The following GRM7 variants were observed in gnomAD, a reference collection of about 807,000 sequenced individuals.
GRM7 encodes the protein metabotropic glutamate receptor 7.
GRM7 carries 35 observed loss-of-function variants against 84.5 expected under a neutral mutation model. The ratio of observed to expected loss-of-function variants is 0.41; its 90% CI spans 0.32 to 0.55. GRM7 has a LOEUF of 0.55. Among genes scored for constraint, GRM7 ranks in the 20% least tolerant of loss-of-function variants. The pLI, the probability that GRM7 is intolerant of heterozygous loss-of-function variation, is 0.19. For missense variants in GRM7, 1,003 were observed against 1,194.6 expected, an observed-to-expected ratio of 0.84 and a Z score of 2.36; for synonymous variants, 487 against 455.1, an observed-to-expected ratio of 1.07 and a Z score of -0.89.
At chr3:6,899,405 T>C (rs1215869180) in intron 1 of GRM7, among the ~76,000 whole-genome samples, 1 of 152,172 alleles carries the variant, frequency 6.6e-6, no homozygotes, top group Non-Finnish European at 1.5e-5. Flanking sequence ...TTTGATAAAA[T>C]ATTAACTTAA....
At chr3:7,719,779 AACACACACACACAC>A (rs71043692) in intron 9 of GRM7, among the ~76,000 whole-genome samples, 31 of 133,534 alleles carry the variant, frequency 2.3e-4, no homozygotes, top group South Asian at 5.3e-4. Context: ...ACCACTGGGC[AACACACACACACAC>A]ACACACACAC....
At chr3:7,117,854 C>A (rs1693089708) in intron 1 of GRM7, among the ~76,000 whole-genome samples, 1 of 152,130 alleles carries the variant, frequency 6.6e-6, no homozygotes, top group Non-Finnish European at 1.5e-5. Flanking sequence ...ATAGAAGTTC[C>A]TCAGCAATGA....
At chr3:7,487,299 G>T (rs1699357134) in intron 7 of GRM7, among the ~76,000 whole-genome samples, 1 of 152,184 alleles carries the variant, frequency 6.6e-6, no homozygotes, top group South Asian at 2.1e-4. Flanking sequence ...AAAATTTGCA[G>T]ACTTAACCAT....
At chr3:7,140,377 A>C (rs1030302538) in intron 1 of GRM7, among the ~76,000 whole-genome samples, 1 of 151,904 alleles carries the variant, frequency 6.6e-6, no homozygotes, top group Non-Finnish European at 1.5e-5. Flanking sequence ...GAAGGGAAAA[A>C]AATGAATTGT....
At chr3:7,715,618 T>C (rs1053055257) in intron 9 of GRM7, among the ~76,000 whole-genome samples, 1 of 152,192 alleles carries the variant, frequency 6.6e-6, no homozygotes, top group South Asian at 2.1e-4. Flanking sequence ...GTAGGTTCCA[T>C]TGTTGTTCTT....
chr3:7,007,804 G>A (rs556983925), intron 1 of GRM7, among the ~76,000 whole-genome samples: 2 of 152,286 alleles, frequency 1.3e-5, no homozygotes, highest in Non-Finnish European at 2.9e-5. Context: ...GTCAGCAGTA[G>A]CTTCCAGTTT....
At chr3:7,024,571 G>C (rs1695907367) in intron 1 of GRM7, among the ~76,000 whole-genome samples, 1 of 152,246 alleles carries the variant, frequency 6.6e-6, no homozygotes, top group South Asian at 2.1e-4. Context: ...TGCATGAGGA[G>C]AGCCTTCCAG....
rs1491399036 is a variant in GRM7 at position 7,075,496 on chromosome 3, A to ACGTGTGTGTGTGTG, written c.520-70956_520-70955insCGTGTGTGTGTGTG. On this transcript the variant is annotated intron_variant, in intron 1 of 9. Transcript: ENST00000357716. Reference sequence around the variant, plus strand: ...CTATCCAAAACTTCTTGCTTCTCAGATGTGTGTGTGTGTGTGTGTGTGTGT... The same window carrying ACGTGTGTGTGTGTG: ...CTATCCAAAACTTCTTGCTTCTCAGACGTGTGTGTGTGTGTGTGTGTGTGTGTGTGTGTGTGTGT... 3.1e-4 allele frequency among the ~76,000 whole-genome samples: 43 copies of ACGTGTGTGTGTGTG among 138,582 alleles called. 2 individuals are homozygous for ACGTGTGTGTGTGTG. Among genetic ancestry groups the ACGTGTGTGTGTGTG allele is most frequent in the African/African-American group, 1.1e-3 (39 of 37,036 alleles). The allele number at this position is 138,582 out of a possible 152,430, so 90.9% of individuals were successfully genotyped here.
intron 1 of GRM7, among the ~76,000 whole-genome samples, chr3:6,875,086 T>A (rs932350542): frequency 3.9e-5 from 6 of 152,226 alleles, no homozygotes; most frequent in African/African-American, 1.4e-4. Flanking sequence ...CAAATATTTA[T>A]TTCAGTTTTG....
At chr3:7,150,358 A>G (rs1244457760) in intron 2 of GRM7, among the ~76,000 whole-genome samples, 1 of 152,142 alleles carries the variant, frequency 6.6e-6, no homozygotes, top group Non-Finnish European at 1.5e-5. Flanking sequence ...GTGCACCGAT[A>G]AGCGCCTCTT....
chr3:7,304,043 G>A (rs575663536), intron 3 of GRM7, among the ~76,000 whole-genome samples: 6 of 151,636 alleles, frequency 4.0e-5, no homozygotes, highest in South Asian at 2.1e-4. Flanking sequence ...GGTAATGTGC[G>A]GCCTCATATT....
At chr3:7,711,418 G>A (rs545032115) in intron 9 of GRM7, among the ~76,000 whole-genome samples, 7 of 152,282 alleles carry the variant, frequency 4.6e-5, no homozygotes, top group South Asian at 2.1e-4. Context: ...TGTAGTGAGC[G>A]AGCAGGAAAG....
At chr3:6,869,833 A>G (rs944610030) in intron 1 of GRM7, among the ~76,000 whole-genome samples, 7 of 152,204 alleles carry the variant, frequency 4.6e-5, no homozygotes, top group Admixed American at 3.3e-4. Context: ...CTTGAATTCC[A>G]TTGTGGACCC....
intron 1 of GRM7, among the ~76,000 whole-genome samples, chr3:6,918,044 G>A (rs1697003071): frequency 6.6e-6 from 1 of 152,022 alleles, no homozygotes; most frequent in South Asian, 2.1e-4. Flanking sequence ...ATATAACAAC[G>A]ACATTTAAAA....
intron 2 of GRM7, among the ~76,000 whole-genome samples, chr3:7,259,691 T>G (rs79958781): frequency 0.033 from 5,049 of 152,264 alleles, 270 homozygotes; most frequent in African/African-American, 0.11. Flanking sequence ...TATACCATCA[T>G]TGGGCATATA....
chr3:7,716,610 A>G (rs1701778835), intron 9 of GRM7, among the ~76,000 whole-genome samples: 2 of 152,204 alleles, frequency 1.3e-5, no homozygotes, highest in Admixed American at 6.5e-5. Flanking sequence ...CAAAAATAGA[A>G]TGAAATTAAC....
At chr3:7,116,003 G>A (rs534842661) in intron 1 of GRM7, among the ~76,000 whole-genome samples, 134 of 152,220 alleles carry the variant, frequency 8.8e-4, no homozygotes, top group Non-Finnish European at 1.5e-3. Flanking sequence ...CTTCCAGAGG[G>A]CTCTTATGCA....
chr3:7,658,265 T>C (rs1051653316), intron 8 of GRM7, among the ~76,000 whole-genome samples: 1 of 152,196 alleles, frequency 6.6e-6, no homozygotes, highest in African/African-American at 2.4e-5. Context: ...GAGCATACAG[T>C]ATTAAAACTC....
intron 4 of GRM7, among the ~76,000 whole-genome samples, chr3:7,325,438 G>A (rs1700946289): frequency 6.6e-6 from 1 of 152,142 alleles, no homozygotes. Flanking sequence ...TTTCTGATTT[G>A]GTATGTCTGG....
Sources: gnomAD v4.1 joint callset for allele counts (sites outside exome capture counted in the v4.1 genomes callset) on GRCh38, gnomAD v4.1.1 for gene constraint, MANE v1.5 for transcripts, NCBI Gene and HGNC (gene_info 2026-07-23, HGNC 2026-07-21) for gene names.